The following NXPH1 variants were observed in gnomAD, a reference collection of about 807,000 sequenced individuals.
NXPH1 encodes the protein neurexophilin 1.
A neutral mutation model predicts 23.7 loss-of-function variants in NXPH1; 5 were observed. The observed-to-expected ratio is 0.21, with a 90% CI of 0.11 to 0.44. NXPH1 has a LOEUF of 0.44. Ranked by LOEUF, NXPH1 falls within the 20% of genes least tolerant of loss-of-function variation. NXPH1 has a pLI of 0.99. For synonymous variants in NXPH1, 144 were observed against 122.2 expected, an observed-to-expected ratio of 1.18 and a Z score of -1.18; for missense variants, 324 against 321.6, an observed-to-expected ratio of 1.01 and a Z score of -0.06.
chr7:8,588,623 G>A (rs1345481133), intron 2 of NXPH1, among the ~76,000 whole-genome samples: 1 of 152,084 alleles, frequency 6.6e-6, no homozygotes, highest in Non-Finnish European at 1.5e-5. Flanking sequence ...GTTCCATCTT[G>A]GAAGACTTTG....
At chr7:8,662,195 C>CATAT (rs536366056) in intron 2 of NXPH1, among the ~76,000 whole-genome samples, 3 of 150,850 alleles carry the variant, frequency 2.0e-5, no homozygotes, top group African/African-American at 7.3e-5. Context: ...TATATACACA[C>CATAT]ATATATATAT....
At chr7:8,692,312 G>A (rs1821234528) in intron 2 of NXPH1, among the ~76,000 whole-genome samples, 1 of 152,120 alleles carries the variant, frequency 6.6e-6, no homozygotes, top group African/African-American at 2.4e-5. Flanking sequence ...CAGAAAGGAG[G>A]CTTGAAGATT....
At chr7:8,744,802 A>G (rs1479474018) in intron 2 of NXPH1, among the ~76,000 whole-genome samples, 3 of 152,228 alleles carry the variant, frequency 2.0e-5, no homozygotes, top group Non-Finnish European at 2.9e-5. Context: ...GCCAAGAATC[A>G]TCAAGCTTAG....
intron 2 of NXPH1, among the ~76,000 whole-genome samples, chr7:8,694,419 T>G (rs1461833651): frequency 2.0e-5 from 3 of 152,186 alleles, no homozygotes; most frequent in Non-Finnish European, 4.4e-5. Flanking sequence ...AGGGATGACA[T>G]TTTTTGGGAA....
At chr7:8,488,995 G>T (rs1817206089) in intron 2 of NXPH1, among the ~76,000 whole-genome samples, 1 of 152,134 alleles carries the variant, frequency 6.6e-6, no homozygotes, top group Non-Finnish European at 1.5e-5. Flanking sequence ...TGGTTGAAGA[G>T]TCTTTGGACT....
At chr7:8,510,182 C>T (rs1051423123) in intron 2 of NXPH1, among the ~76,000 whole-genome samples, 6 of 152,070 alleles carry the variant, frequency 3.9e-5, no homozygotes, top group African/African-American at 1.4e-4. Flanking sequence ...ACAAAGGGTG[C>T]CTGGGGAGGC....
chr7:8,702,563 C>G (rs1779641497), intron 2 of NXPH1, among the ~76,000 whole-genome samples: 1 of 152,004 alleles, frequency 6.6e-6, no homozygotes, highest in Non-Finnish European at 1.5e-5. Flanking sequence ...GAATATAAAA[C>G]CATCTAAATA....
chr7:8,545,467 T>G (rs1311100315), intron 2 of NXPH1, among the ~76,000 whole-genome samples: 1 of 151,562 alleles, frequency 6.6e-6, no homozygotes, highest in African/African-American at 2.4e-5. Context: ...GGAAATACTG[T>G]CCTCTTGTAG....
intron 2 of NXPH1, among the ~76,000 whole-genome samples, chr7:8,539,556 CA>C (rs1397198569): frequency 6.6e-6 from 1 of 151,826 alleles, no homozygotes; most frequent in South Asian, 2.1e-4. Flanking sequence ...AAGACTTTCA[CA>C]GTGGTTGCAG....
At chr7:8,622,785 G>C (rs1222533144) in intron 2 of NXPH1, among the ~76,000 whole-genome samples, 1 of 152,150 alleles carries the variant, frequency 6.6e-6, no homozygotes, top group Non-Finnish European at 1.5e-5. Flanking sequence ...TTGAGGACAA[G>C]GCGAAAACCT....
chr7:8,666,908 T>A (rs906503388), intron 2 of NXPH1, among the ~76,000 whole-genome samples: 2 of 152,020 alleles, frequency 1.3e-5, no homozygotes, highest in African/African-American at 4.8e-5. Context: ...ATTCTTTTTT[T>A]AAAAATTAAT....
intron 2 of NXPH1, among the ~76,000 whole-genome samples, chr7:8,731,538 T>G (rs1322601495): frequency 6.6e-6 from 1 of 152,158 alleles, no homozygotes; most frequent in Non-Finnish European, 1.5e-5. Context: ...GTCCTTTCTG[T>G]TTGTTAGTTT....
At chr7:8,478,318 A>G (rs894977501) in intron 2 of NXPH1, among the ~76,000 whole-genome samples, 4 of 152,154 alleles carry the variant, frequency 2.6e-5, no homozygotes, top group Admixed American at 6.6e-5. Flanking sequence ...ATGGCTCAAT[A>G]TATGGATTAA....
chr7:8,745,235 A>G (rs532559491), intron 2 of NXPH1, among the ~76,000 whole-genome samples: 8 of 152,150 alleles, frequency 5.3e-5, no homozygotes, highest in Non-Finnish European at 1.2e-4. Flanking sequence ...GTGTATAATT[A>G]TGGTGTACAG....
At chr7:8,553,712 A>G (rs1003005167) in intron 2 of NXPH1, among the ~76,000 whole-genome samples, 3 of 151,588 alleles carry the variant, frequency 2.0e-5, no homozygotes, top group Non-Finnish European at 4.4e-5. Context: ...CACAGATTTA[A>G]TGCATCACCA....
At position 8,637,407 on chromosome 7, in the gene NXPH1, T is replaced by A. The variant is rs573060158; in HGVS notation, c.55-113601T>A. On this transcript the variant is annotated intron_variant, in intron 2 of 2. Transcript: ENST00000405863. ...CTGGCTAATTTAAAAAAGTATTTTT[T>A]AGAGATGGGGTTTCAGTATGTTGCC... 8.5e-5 allele frequency among the ~76,000 whole-genome samples: 13 copies of A among 152,196 alleles called. No homozygotes were observed. The South Asian group carries it at 2.7e-3, about 32-fold the overall frequency.
chr7:8,690,420 C>T (rs1326377555), intron 2 of NXPH1: 1 of 152,108 alleles, frequency 6.6e-6, no homozygotes, highest in Non-Finnish European at 1.5e-5. Context: ...ATGTAGGTTG[C>T]TTTGTTTTTA....
chr7:8,500,874 A>G (rs936553049), intron 2 of NXPH1, among the ~76,000 whole-genome samples: 2 of 152,076 alleles, frequency 1.3e-5, no homozygotes, highest in African/African-American at 4.8e-5. Context: ...TGGTTAAATA[A>G]TGACGTAGGG....
chr7:8,721,572 G>A (rs538598302), intron 2 of NXPH1, among the ~76,000 whole-genome samples: 3 of 152,142 alleles, frequency 2.0e-5, no homozygotes, highest in Non-Finnish European at 2.9e-5. Flanking sequence ...TCAGGAGATC[G>A]AGACCATCCT....
Sources: allele counts gnomAD v4.1 joint callset (sites outside exome capture counted in the v4.1 genomes callset), GRCh38; gene constraint gnomAD v4.1.1; transcripts MANE v1.5; gene names NCBI Gene and HGNC (gene_info 2026-07-23, HGNC 2026-07-21).